ZMYND11: variants seen among roughly 807,000 people sequenced by gnomAD.
The protein encoded by ZMYND11 is zinc finger MYND domain-containing protein 11.
A neutral mutation model predicts 84.9 loss-of-function variants in ZMYND11; 9 were observed. That is an observed-to-expected ratio of 0.11 (90% CI 0.06 to 0.18). ZMYND11 has a LOEUF of 0.18. ZMYND11 is among the 10% of genes least tolerant of loss of function. The pLI is 1.00. For synonymous variants in ZMYND11, 250 were observed against 244.1 expected, an observed-to-expected ratio of 1.02 and a Z score of -0.23; for missense variants, 409 against 761.0, an observed-to-expected ratio of 0.54 and a Z score of 5.44.
At chr10:210,707 T>G (rs901114492) in intron 3 of ZMYND11, among the ~76,000 whole-genome samples, 1 of 152,258 alleles carries the variant, frequency 6.6e-6, no homozygotes, top group Admixed American at 6.5e-5. Flanking sequence ...ACCTTTAAAC[T>G]CAGAGGCACA....
At chr10:165,640 C>G (rs1392814847) in intron 1 of ZMYND11, among the ~76,000 whole-genome samples, 5 of 152,152 alleles carry the variant, frequency 3.3e-5, no homozygotes, top group Non-Finnish European at 5.9e-5. Flanking sequence ...AACCGGAAAT[C>G]TAAGCATTAT....
At chr10:213,362 T>C (rs1212517773) in intron 3 of ZMYND11, among the ~76,000 whole-genome samples, 6 of 152,134 alleles carry the variant, frequency 3.9e-5, no homozygotes, top group Non-Finnish European at 8.8e-5. Context: ...GCTTTATAGT[T>C]TTACCACCTT....
chr10:220,045 G>A (rs1946873593), intron 3 of ZMYND11, among the ~76,000 whole-genome samples: 1 of 152,126 alleles, frequency 6.6e-6, no homozygotes. Flanking sequence ...TGGTCAAGCA[G>A]TAACATGTTT....
At chr10:205,654 T>C (rs957914137) in intron 2 of ZMYND11, among the ~76,000 whole-genome samples, 1 of 152,078 alleles carries the variant, frequency 6.6e-6, no homozygotes, top group African/African-American at 2.4e-5. Flanking sequence ...TGTGCTATTG[T>C]ACTGCAGCCT....
rs1944896027 is a variant in ZMYND11 at position 209,959 on chromosome 10, G to A, written c.187G>A (p.Gly63Ser). 1.2e-6 allele frequency: 2 copies of A among 1,613,930 alleles called. No individual in the cohort carries two copies. The highest frequency in any genetic ancestry group is 1.7e-6 in the Non-Finnish European group (2 of 1,179,982). ...TCAGCTGAGCTTAGCTGTGAAAGAT[G>A]GTCTTATTGTCGAAACTCTAACAGT... is the stretch of plus-strand genomic sequence containing the variant. ...TRQLSLAVKD[G>S]LIVETLTVGC... Residue 63 changes from glycine to serine, a missense_variant, in exon 3 of 15, where the codon GGT becomes AGT. By Grantham distance (56) the Gly-to-Ser change is moderately conservative (BLOSUM62 0). This residue lies in a region of ZMYND11 where 73 missense variants were observed against 185.8 expected (regional missense o/e 0.39). Coordinates refer to ENST00000381604, the MANE Select transcript of ZMYND11 (RefSeq NM_001370100.5).
chr10:180,658 C>A (rs1003293280), intron 2 of ZMYND11, among the ~76,000 whole-genome samples: 27 of 152,236 alleles, frequency 1.8e-4, no homozygotes, highest in African/African-American at 5.8e-4. Flanking sequence ...CTTGGCGTCC[C>A]AAAGTGCTGG....
At chr10:159,506 C>T (rs1379209731) in intron 1 of ZMYND11, among the ~76,000 whole-genome samples, 1 of 152,060 alleles carries the variant, frequency 6.6e-6, no homozygotes, top group Non-Finnish European at 1.5e-5. Flanking sequence ...AATTAAGCAT[C>T]TTTTAATAAA....
intron 1 of ZMYND11, chr10:155,049 TAAAAG>T (rs1269575869): frequency 1.9e-4 from 29 of 152,332 alleles, no homozygotes; most frequent in African/African-American, 6.7e-4. Context: ...TATATGACTT[TAAAAG>T]AAGAATCAGT....
chr10:148,228 C>T (rs1357712744), intron 1 of ZMYND11: 1 of 151,378 alleles, frequency 6.6e-6, no homozygotes, highest in African/African-American at 2.4e-5. Context: ...ACTTCCTTTG[C>T]TCTGGGAAGA....
At chr10:171,169 T>C (rs1564310923) in intron 1 of ZMYND11, among the ~76,000 whole-genome samples, 1 of 152,120 alleles carries the variant, frequency 6.6e-6, no homozygotes, top group Non-Finnish European at 1.5e-5. Flanking sequence ...TCAGAATATA[T>C]GACACAAAAA....
chr10:162,131 ATTG>A (rs1298453635), intron 1 of ZMYND11, among the ~76,000 whole-genome samples: 5 of 152,176 alleles, frequency 3.3e-5, no homozygotes, highest in East Asian at 3.8e-4. Flanking sequence ...GGATTTCATT[ATTG>A]TTGTGTCTCA....
chr10:203,471 G>T (rs148976015), intron 2 of ZMYND11, among the ~76,000 whole-genome samples: 163 of 152,234 alleles, frequency 1.1e-3, no homozygotes, highest in Non-Finnish European at 2.0e-3. Context: ...ATGAGCATAT[G>T]TACCAATTTC....
chr10:166,095 A>G lies in ZMYND11; in HGVS notation c.-19-13899A>G, dbSNP rs12411797. ...GGACCACCTACCTCACATCACATAT[A>G]AAAATTAACTCCACATGTGTCAGTA... On this transcript the variant is annotated intron_variant, in intron 1 of 14. Transcript: ENST00000381604. Among the ~76,000 whole-genome samples the G allele has an allele frequency of 3.1e-3, 479 of 152,258 alleles. 11 individuals are homozygous for G. The highest frequency in any genetic ancestry group is 0.029 in the Admixed American group (442 of 15,276).
At chr10:211,648 C>T (rs1185132872) in intron 3 of ZMYND11, among the ~76,000 whole-genome samples, 1 of 152,120 alleles carries the variant, frequency 6.6e-6, no homozygotes, top group Non-Finnish European at 1.5e-5. Flanking sequence ...TTCAAAGCTT[C>T]AGGAAAGAAC....
intron 1 of ZMYND11, among the ~76,000 whole-genome samples, chr10:150,528 G>A (rs1379767484): frequency 7.2e-5 from 11 of 151,954 alleles, no homozygotes; most frequent in South Asian, 2.1e-4. Context: ...TCTTGCTAGC[G>A]GCCTATCAAT....
At chr10:131,542 C>T (rs952958944), upstream of ZMYND11, among the ~76,000 whole-genome samples, 3 of 152,162 alleles carry the variant, frequency 2.0e-5, no homozygotes, top group East Asian at 5.8e-4. Context: ...ACAGTTTCTC[C>T]TGGAGAACGT....
At chr10:163,255 C>CA (rs1554762579) in intron 1 of ZMYND11, among the ~76,000 whole-genome samples, 1 of 152,140 alleles carries the variant, frequency 6.6e-6, no homozygotes, top group African/African-American at 2.4e-5. Flanking sequence ...AAGCAACTCT[C>CA]AGTGTTTTGA....
chr10:168,290 T>TA (rs1169843251), intron 1 of ZMYND11, among the ~76,000 whole-genome samples: 2 of 151,702 alleles, frequency 1.3e-5, no homozygotes, highest in South Asian at 2.1e-4. Context: ...CCAAACACAT[T>TA]AAAAAAAACT....
intron 2 of ZMYND11, among the ~76,000 whole-genome samples, chr10:206,955 A>G (rs1263538241): frequency 1.3e-5 from 2 of 151,992 alleles, no homozygotes; most frequent in Non-Finnish European, 2.9e-5. Flanking sequence ...ATCATTTAGC[A>G]TTAGGTATAT....
Sources: allele counts gnomAD v4.1 joint callset (sites outside exome capture counted in the v4.1 genomes callset), GRCh38; gene constraint gnomAD v4.1.1; regional missense constraint gnomAD v4.1.1; transcripts MANE v1.5; gene names NCBI Gene and HGNC (gene_info 2026-07-23, HGNC 2026-07-21).